The following STARD13 variants were observed in gnomAD, a reference collection of about 807,000 sequenced individuals.
STARD13 encodes the protein stAR-related lipid transfer protein 13.
Under a neutral mutation model 106.4 loss-of-function variants are expected in STARD13, and 62 were observed. The ratio of observed to expected loss-of-function variants is 0.58; its 90% confidence interval spans 0.48 to 0.72. The LOEUF is 0.72. Among genes scored for constraint, STARD13 ranks in the 30% least tolerant of loss-of-function variants. The pLI, the probability that STARD13 is intolerant of heterozygous loss-of-function variation, is 0.00. For synonymous variants in STARD13, 565 were observed against 553.0 expected, an observed-to-expected ratio of 1.02 and a Z score of -0.31; for missense variants, 1,387 against 1,424.0, an observed-to-expected ratio of 0.97 and a Z score of 0.42.
chr13:33,464,427 G>A, the STARD13 span, among the ~76,000 whole-genome samples: 1 of 152,104 alleles, frequency 6.6e-6, no homozygotes, highest in Non-Finnish European at 1.5e-5. Context: ...TGACACAAAG[G>A]TCCATGTTTG....
At chr13:33,524,593 T>A in the STARD13 span, among the ~76,000 whole-genome samples, 1 of 152,184 alleles carries the variant, frequency 6.6e-6, no homozygotes, top group East Asian at 1.9e-4. Flanking sequence ...AAGGACTTGA[T>A]AATGTAAGTT....
At chr13:33,468,897 T>A in the STARD13 span, among the ~76,000 whole-genome samples, 1 of 152,142 alleles carries the variant, frequency 6.6e-6, no homozygotes, top group Non-Finnish European at 1.5e-5. Flanking sequence ...TCCTTCATGT[T>A]CCACTGGCTA....
intron 1 of STARD13, chr13:33,205,848 G>A (rs1356614665): frequency 1.0e-6 from 1 of 985,350 alleles, no homozygotes; most frequent in Non-Finnish European, 1.2e-6. Flanking sequence ...AGGCTGTGCT[G>A]TACCTTTCAA....
chr13:33,570,883 T>C, the STARD13 span, among the ~76,000 whole-genome samples: 2 of 152,294 alleles, frequency 1.3e-5, no homozygotes, highest in Admixed American at 6.5e-5. Flanking sequence ...GCTTATGATA[T>C]GTTTTGGATT....
chr13:33,531,875 C>G, the STARD13 span, among the ~76,000 whole-genome samples: 1 of 152,140 alleles, frequency 6.6e-6, no homozygotes, highest in African/African-American at 2.4e-5. Flanking sequence ...TCCATAATTA[C>G]TCATTTGTTT....
At chr13:33,396,621 A>T in the STARD13 span, among the ~76,000 whole-genome samples, 5 of 152,222 alleles carry the variant, frequency 3.3e-5, no homozygotes, top group Non-Finnish European at 7.3e-5. Context: ...CTGTGTCTAC[A>T]CAACTTAAAG....
At chr13:33,338,755 G>A (rs1456744950) in intron 1 of STARD13, among the ~76,000 whole-genome samples, 1 of 151,940 alleles carries the variant, frequency 6.6e-6, no homozygotes, top group Non-Finnish European at 1.5e-5. Context: ...GTGGTGGCAT[G>A]TGCCTGTAGT....
At chr13:33,634,253 A>G in the STARD13 span, among the ~76,000 whole-genome samples, 1 of 152,212 alleles carries the variant, frequency 6.6e-6, no homozygotes, top group Non-Finnish European at 1.5e-5. Context: ...CTTTTGCCAA[A>G]GACATGTCAG....
At chr13:33,584,946 C>A in the STARD13 span, among the ~76,000 whole-genome samples, 1 of 152,120 alleles carries the variant, frequency 6.6e-6, no homozygotes, top group Non-Finnish European at 1.5e-5. Context: ...TTTCCTGAGG[C>A]CTCCCCAGAA....
In STARD13 at chr13:33,132,868, G is replaced by A. The variant is rs1201458902; in HGVS notation, c.388-2579C>T. Among the ~76,000 whole-genome samples, 92 of 152,292 alleles carry A rather than the reference G, an allele frequency of 6.0e-4. 2 individuals are homozygous for A. Among genetic ancestry groups the A allele is most frequent in the Non-Finnish European group, 1.5e-4 (10 of 68,022 alleles). ...TGACTCAAAATATACTTTCCTACTA[G>A]TACTTTCTACTCCCTCTTTTCCTGT... On this transcript the variant is annotated intron_variant, in intron 4 of 13. Transcript: ENST00000336934.
At chr13:33,500,599 C>A in the STARD13 span, among the ~76,000 whole-genome samples, 38 of 152,032 alleles carry the variant, frequency 2.5e-4, no homozygotes, top group Non-Finnish European at 5.9e-5. Context: ...ATTTTGGGTG[C>A]TCTTTGGGTT....
At chr13:33,135,666 T>G (rs653938) in intron 4 of STARD13, among the ~76,000 whole-genome samples, 44,791 of 152,160 alleles carry the variant, frequency 0.29, 8,003 homozygotes, top group Non-Finnish European at 0.41. Flanking sequence ...TGAAAAGGAA[T>G]ACCCTAAACT....
At chr13:33,349,812 C>T (rs2078054619) in intron 1 of STARD13, among the ~76,000 whole-genome samples, 1 of 152,226 alleles carries the variant, frequency 6.6e-6, no homozygotes. Context: ...TGGTCTGCGG[C>T]GCTTCGGACG....
At chr13:33,324,946 A>G (rs908747903) in intron 1 of STARD13, among the ~76,000 whole-genome samples, 2 of 152,148 alleles carry the variant, frequency 1.3e-5, no homozygotes, top group Non-Finnish European at 2.9e-5. Flanking sequence ...TGTCATTTCT[A>G]TTGCCCTGTG....
intron 1 of STARD13, among the ~76,000 whole-genome samples, chr13:33,226,308 C>G (rs1033030494): frequency 3.3e-5 from 5 of 152,054 alleles, no homozygotes; most frequent in African/African-American, 1.2e-4. Flanking sequence ...ATAAGTTGTT[C>G]TTTTGCCCCA....
exon 2 of STARD13, chr13:33,349,088 G>C (rs2078044609): frequency 1.4e-6 from 1 of 701,746 alleles, no homozygotes; most frequent in African/African-American, 1.7e-5. Context: ...AAAAAGGGAG[G>C]AGTTCAAAGA....
intron 1 of STARD13, among the ~76,000 whole-genome samples, chr13:33,284,727 A>AT (rs67339962): frequency 0.021 from 3,046 of 146,816 alleles, 50 homozygotes; most frequent in African/African-American, 0.048. Flanking sequence ...CATGTTTTAA[A>AT]TTTTTTTTTT....
intron 7 of STARD13, 104 bp downstream of exon 7, chr13:33,125,977 A>G (rs1877096377): frequency 5.5e-6 from 7 of 1,276,856 alleles, no homozygotes; most frequent in Non-Finnish European, 7.7e-6. Flanking sequence ...TTGGTGAGGC[A>G]TGTCTTGCCT....
chr13:33,364,685 C>T, the STARD13 span, among the ~76,000 whole-genome samples: 1 of 152,124 alleles, frequency 6.6e-6, no homozygotes, highest in Admixed American at 6.5e-5. Context: ...GTCAGGAGAT[C>T]GGGACCATCC....
Sources: gnomAD v4.1 joint callset for allele counts (sites outside exome capture counted in the v4.1 genomes callset) on GRCh38, gnomAD v4.1.1 for gene constraint, MANE v1.5 for transcripts, NCBI Gene and HGNC (gene_info 2026-07-23, HGNC 2026-07-21) for gene names.